The following DLG2 variants were observed in gnomAD, a reference collection of about 807,000 sequenced individuals.
DLG2 encodes the protein discs large MAGUK scaffold protein 2.
DLG2 carries 45 observed loss-of-function variants against 132.5 expected under a neutral mutation model. The ratio of observed to expected loss-of-function variants is 0.34; its 90% confidence interval spans 0.27 to 0.44. The LOEUF is 0.44. Ranked by LOEUF, DLG2 falls within the 20% of genes least tolerant of loss-of-function variation. The pLI is 1.00. For missense variants in DLG2, 1,045 were observed against 1,196.9 expected, an observed-to-expected ratio of 0.87 and a Z score of 1.87; for synonymous variants, 424 against 419.6, an observed-to-expected ratio of 1.01 and a Z score of -0.13.
intron 11 of DLG2, among the ~76,000 whole-genome samples, chr11:84,044,823 G>A (rs527410709): frequency 6.6e-6 from 1 of 151,846 alleles, no homozygotes; most frequent in East Asian, 2.0e-4. Context: ...AATGGTATCA[G>A]TGAGAAGTCT....
chr11:84,398,350 G>T (rs1249572218), intron 7 of DLG2, among the ~76,000 whole-genome samples: 1 of 152,136 alleles, frequency 6.6e-6, no homozygotes, highest in Non-Finnish European at 1.5e-5. Flanking sequence ...AGGAGAAAGA[G>T]AAGACGATAT....
At chr11:84,061,519 G>C (rs1325881118) in intron 10 of DLG2, among the ~76,000 whole-genome samples, 1 of 152,090 alleles carries the variant, frequency 6.6e-6, no homozygotes, top group Non-Finnish European at 1.5e-5. Flanking sequence ...TTTGATTTCA[G>C]GTCTTCCTAT....
At chr11:85,062,693 G>T (rs1387112905) in intron 6 of DLG2, among the ~76,000 whole-genome samples, 1 of 151,626 alleles carries the variant, frequency 6.6e-6, no homozygotes, top group Non-Finnish European at 1.5e-5. Context: ...AGAAATGAGT[G>T]CTTTAAAAGT....
chr11:84,751,404 G>C (rs569166499), intron 6 of DLG2, among the ~76,000 whole-genome samples: 1 of 152,156 alleles, frequency 6.6e-6, no homozygotes, highest in South Asian at 2.1e-4. Flanking sequence ...ACAGTGATTG[G>C]TATTATTGTA....
intron 18 of DLG2, among the ~76,000 whole-genome samples, chr11:83,778,850 C>T (rs2094694492): frequency 6.6e-6 from 1 of 151,998 alleles, no homozygotes; most frequent in Admixed American, 6.6e-5. Flanking sequence ...TTCTACGCTG[C>T]TATGGGTTAG....
rs1326719086 is a variant in DLG2 at position 84,016,387 on chromosome 11, C to A, written c.920-35745G>T. Among the ~76,000 whole-genome samples the A allele has an allele frequency of 2.6e-5, 4 of 152,070 alleles. No individual in the cohort carries two copies. The South Asian group carries it at 8.3e-4, about 31-fold the overall frequency. On this transcript the variant is annotated intron_variant, in intron 11 of 27. Coordinates refer to ENST00000376104, the MANE Select transcript of DLG2 (RefSeq NM_001142699.3). ...CATATGTCAATTTTTGCATTTGTTGCAATTACTTTTGGTGTCTTCATCATA... is the reference window on the plus strand; with the variant it reads ...CATATGTCAATTTTTGCATTTGTTGAAATTACTTTTGGTGTCTTCATCATA...
chr11:83,550,279 G>A (rs2142004616), intron 19 of DLG2, among the ~76,000 whole-genome samples: 1 of 152,308 alleles, frequency 6.6e-6, no homozygotes, highest in South Asian at 2.1e-4. Flanking sequence ...AATCAGGGAA[G>A]AAGCATAACT....
intron 3 of DLG2, among the ~76,000 whole-genome samples, chr11:85,473,185 G>A (rs990929525): frequency 7.9e-5 from 12 of 152,244 alleles, no homozygotes; most frequent in African/African-American, 2.9e-4. Flanking sequence ...GTGGGCCTGA[G>A]ATCTAGGCCA....
intron 6 of DLG2, among the ~76,000 whole-genome samples, chr11:85,005,536 A>T (rs12806468): frequency 6.6e-6 from 1 of 152,044 alleles, no homozygotes; most frequent in African/African-American, 2.4e-5. Flanking sequence ...TTTGTCTATT[A>T]TTGGTGTATA....
intron 21 of DLG2, among the ~76,000 whole-genome samples, chr11:83,519,498 A>G (rs1284375810): frequency 6.6e-6 from 1 of 152,172 alleles, no homozygotes; most frequent in Non-Finnish European, 1.5e-5. Context: ...TTATAAAAAG[A>G]TTTAGTCAAC....
intron 7 of DLG2, among the ~76,000 whole-genome samples, chr11:84,384,101 T>A (rs1322332013): frequency 1.3e-5 from 2 of 150,690 alleles, no homozygotes; most frequent in African/African-American, 2.4e-5. Context: ...GACGCTTTTT[T>A]TTTTTTTGCA....
At chr11:83,792,111 T>C (rs2041726758) in intron 17 of DLG2, among the ~76,000 whole-genome samples, 1 of 152,170 alleles carries the variant, frequency 6.6e-6, no homozygotes, top group South Asian at 2.1e-4. Context: ...CAGTATTCCA[T>C]GTTATGGATG....
chr11:83,704,943 CA>C (rs2083649733), intron 18 of DLG2, among the ~76,000 whole-genome samples: 1 of 152,160 alleles, frequency 6.6e-6, no homozygotes, highest in Non-Finnish European at 1.5e-5. Flanking sequence ...ACCTGGGTGA[CA>C]GAATCATTTG....
At chr11:84,243,017 C>CTCTCTCTCTCTCTCTCTA (rs542476924) in intron 8 of DLG2, among the ~76,000 whole-genome samples, 2,552 of 141,898 alleles carry the variant, frequency 0.018, 27 homozygotes, top group Admixed American at 0.023. Context: ...CTCTCTCTCT[C>CTCTCTCTCTCTCTCTCTA]TATATATATA....
At chr11:83,651,688 T>C (rs1469821967) in intron 18 of DLG2, 2 of 322,000 alleles carry the variant, frequency 6.2e-6, no homozygotes, top group African/African-American at 2.2e-5. Context: ...TTTATTCTAG[T>C]TAAATTACTA....
intron 4 of DLG2, among the ~76,000 whole-genome samples, chr11:85,189,091 A>T (rs2080334896): frequency 6.6e-6 from 1 of 152,298 alleles, no homozygotes; most frequent in African/African-American, 2.4e-5. Flanking sequence ...GCAGCAAGAT[A>T]AAAAATATGA....
chr11:84,443,570 T>C (rs2099023858), intron 7 of DLG2, among the ~76,000 whole-genome samples: 1 of 152,204 alleles, frequency 6.6e-6, no homozygotes, highest in Non-Finnish European at 1.5e-5. Flanking sequence ...TATAACACAG[T>C]GTAATCAGAC....
chr11:84,136,340 T>C (rs2154227989), intron 9 of DLG2, among the ~76,000 whole-genome samples: 1 of 152,302 alleles, frequency 6.6e-6, no homozygotes. Context: ...TTTGAGTTAC[T>C]TTACTAAAAT....
intron 7 of DLG2, among the ~76,000 whole-genome samples, chr11:84,328,946 C>T (rs989918871): frequency 1.3e-5 from 2 of 152,164 alleles, no homozygotes; most frequent in African/African-American, 4.8e-5. Flanking sequence ...TAGTTTCTAT[C>T]AGGAACTATG....
Sources: gnomAD v4.1 joint callset for allele counts (sites outside exome capture counted in the v4.1 genomes callset) on GRCh38, gnomAD v4.1.1 for gene constraint, MANE v1.5 for transcripts, NCBI Gene and HGNC (gene_info 2026-07-23, HGNC 2026-07-21) for gene names.